The following HHAT variants were observed in gnomAD, a reference collection of about 807,000 sequenced individuals.
HHAT encodes protein-cysteine N-palmitoyltransferase HHAT.
HHAT carries 47 observed loss-of-function variants against 70.8 expected under a neutral mutation model. The ratio of observed to expected loss-of-function variants is 0.66; its 90% CI spans 0.53 to 0.85. The LOEUF (loss-of-function observed/expected upper bound fraction) is 0.85. Among genes scored for constraint, HHAT ranks in the 40% least tolerant of loss-of-function variants. The pLI is 0.00. For missense variants in HHAT, 609 were observed against 604.8 expected (o/e 1.01, Z -0.07); for synonymous variants, 228 against 247.6 (o/e 0.92, Z 0.74).
intron 2 of HHAT, among the ~76,000 whole-genome samples, chr1:210,360,052 T>C (rs2088100564): frequency 6.6e-6 from 1 of 152,158 alleles, no homozygotes; most frequent in Non-Finnish European, 1.5e-5. Context: ...TACCAGAAGA[T>C]ATAATCAGAA....
intron 11 of HHAT, among the ~76,000 whole-genome samples, chr1:210,668,945 T>C (rs1002969565): frequency 8.5e-5 from 13 of 152,104 alleles, no homozygotes; most frequent in Non-Finnish European, 2.9e-5. Flanking sequence ...CGCTAATTTT[T>C]TGTATTTTTA....
At chr1:210,575,363 C>T (rs1484943138) in intron 9 of HHAT, among the ~76,000 whole-genome samples, 1 of 152,174 alleles carries the variant, frequency 6.6e-6, no homozygotes, top group Non-Finnish European at 1.5e-5. Flanking sequence ...ACTGAGGCTT[C>T]AAGGACCTTT....
At chr1:210,549,130 C>T (rs892865000) in intron 9 of HHAT, among the ~76,000 whole-genome samples, 9 of 150,350 alleles carry the variant, frequency 6.0e-5, no homozygotes, top group African/African-American at 9.8e-5. Context: ...GGGATAATAA[C>T]GGCATTTACC....
chr1:210,503,375 G>A (rs1441209378), intron 8 of HHAT, among the ~76,000 whole-genome samples: 1 of 152,206 alleles, frequency 6.6e-6, no homozygotes, highest in African/African-American at 2.4e-5. Flanking sequence ...CCCAAAGGAA[G>A]CCAGGCTTTC....
At chr1:210,355,579 T>A (rs1276555600) in intron 2 of HHAT, among the ~76,000 whole-genome samples, 1 of 152,248 alleles carries the variant, frequency 6.6e-6, no homozygotes, top group Non-Finnish European at 1.5e-5. Flanking sequence ...ATGGTATTTT[T>A]AAACATACTG....
intron 11 of HHAT, among the ~76,000 whole-genome samples, chr1:210,660,447 C>A (rs1677427166): frequency 6.6e-6 from 1 of 152,188 alleles, no homozygotes; most frequent in Non-Finnish European, 1.5e-5. Context: ...ATTCCATGCT[C>A]ATGGATAGGA....
chr1:210,405,440 A>G (rs1374230253), intron 6 of HHAT, among the ~76,000 whole-genome samples: 3 of 152,188 alleles, frequency 2.0e-5, no homozygotes, highest in African/African-American at 4.8e-5. Context: ...CAGTGTTCTC[A>G]AGGGATATTC....
At chr1:210,614,794 C>G (rs1278018019) in intron 10 of HHAT, among the ~76,000 whole-genome samples, 3 of 152,310 alleles carry the variant, frequency 2.0e-5, no homozygotes, top group Admixed American at 2.0e-4. Flanking sequence ...GCCACATTTT[C>G]TTAATCCAGC....
chr1:210,507,020 A>G (rs956720402), intron 8 of HHAT, among the ~76,000 whole-genome samples: 2 of 152,222 alleles, frequency 1.3e-5, no homozygotes, highest in Non-Finnish European at 2.9e-5. Context: ...CTGAATTTCC[A>G]GTATCTAGCA....
chr1:210,665,150 G>A (rs139259386), intron 11 of HHAT, among the ~76,000 whole-genome samples: 74 of 152,350 alleles, frequency 4.9e-4, no homozygotes, highest in African/African-American at 1.7e-3. Context: ...CCCCATGGAC[G>A]TGGATGGATA....
At chr1:210,535,453 GT>G (rs2095361904) in intron 9 of HHAT, among the ~76,000 whole-genome samples, 3 of 151,474 alleles carry the variant, frequency 2.0e-5, no homozygotes, top group African/African-American at 4.9e-5. Context: ...GTGTGTGTGT[GT>G]GGGGTAAAAT....
Position 210,561,475 on chromosome 1 carries a change from TGG to T in HHAT, c.1044-26419_1044-26418del, listed in dbSNP as rs548862748. On this transcript the variant is annotated intron_variant, in intron 9 of 11. Transcript: ENST00000261458. ...TAAATCTGTTTCCTCATCTGGAAAA[TGG>T]GGGTTTTCTACCTCATATCATAGGT... is the stretch of plus-strand genomic sequence containing the variant. Among the ~76,000 whole-genome samples the T allele has an allele frequency of 2.5e-3, 387 of 152,128 alleles. 3 individuals carry two copies. Among genetic ancestry groups the T allele is most frequent in the African/African-American group, 9.1e-3 (376 of 41,518 alleles).
At chr1:210,649,310 T>G (rs1007324656) in intron 11 of HHAT, among the ~76,000 whole-genome samples, 2 of 152,206 alleles carry the variant, frequency 1.3e-5, no homozygotes, top group African/African-American at 4.8e-5. Context: ...ATTTTCATGA[T>G]TTTTCTAAGC....
At chr1:210,384,357 T>C (rs2090882169) in intron 3 of HHAT, among the ~76,000 whole-genome samples, 1 of 152,124 alleles carries the variant, frequency 6.6e-6, no homozygotes, top group East Asian at 1.9e-4. Context: ...TGCCTGGGAA[T>C]GGTACGGGGC....
chr1:210,521,187 G>A (rs1183143368), intron 9 of HHAT, among the ~76,000 whole-genome samples: 1 of 152,204 alleles, frequency 6.6e-6, no homozygotes, highest in African/African-American at 2.4e-5. Context: ...AATAGTGTGT[G>A]CCCTTTTGAA....
intron 11 of HHAT, among the ~76,000 whole-genome samples, chr1:210,655,754 A>G (rs1286772815): frequency 1.3e-5 from 2 of 152,222 alleles, no homozygotes; most frequent in African/African-American, 4.8e-5. Flanking sequence ...ATTTCCTCTG[A>G]CGTTTCCACA....
intron 7 of HHAT, among the ~76,000 whole-genome samples, chr1:210,430,300 A>C (rs2093205153): frequency 6.6e-6 from 1 of 151,804 alleles, no homozygotes; most frequent in Non-Finnish European, 1.5e-5. Context: ...CAAATCTTCA[A>C]AGCAGCCTTG....
chr1:210,495,879 A>C (rs980408179), intron 8 of HHAT, among the ~76,000 whole-genome samples: 1 of 152,002 alleles, frequency 6.6e-6, no homozygotes, highest in Non-Finnish European at 1.5e-5. Flanking sequence ...ATGGTGGTGC[A>C]TGCCTGTAAT....
At chr1:210,596,182 A>G (rs1323665136) in intron 10 of HHAT, among the ~76,000 whole-genome samples, 1 of 152,162 alleles carries the variant, frequency 6.6e-6, no homozygotes, top group African/African-American at 2.4e-5. Context: ...TCAGCTTTCT[A>G]CATATGGCTA....
Sources: allele counts gnomAD v4.1 joint callset (sites outside exome capture counted in the v4.1 genomes callset), GRCh38; gene constraint gnomAD v4.1.1; transcripts MANE v1.5; gene names NCBI Gene and HGNC (gene_info 2026-07-23, HGNC 2026-07-21).